COL19A1: variants seen among roughly 807,000 people sequenced by gnomAD.
COL19A1 encodes the protein collagen alpha-1(XIX) chain.
Under a neutral mutation model 190.2 loss-of-function variants are expected in COL19A1, and 159 were observed. That is an observed-to-expected ratio of 0.84 (90% confidence interval 0.73 to 0.95). The LOEUF is 0.95. Ranked by LOEUF, COL19A1 falls within the 40% of genes least tolerant of loss-of-function variation. The probability of loss-of-function intolerance (pLI) is 0.00; values close to 1 mark genes in which losing one functional copy is unlikely to be tolerated. For missense variants in COL19A1, 1,418 were observed against 1,431.9 expected, an observed-to-expected ratio of 0.99 and a Z score of 0.16; for synonymous variants, 509 against 458.9, an observed-to-expected ratio of 1.11 and a Z score of -1.39.
intron 15 of COL19A1, among the ~76,000 whole-genome samples, chr6:70,070,004 G>A (rs1032251492): frequency 2.6e-5 from 4 of 152,098 alleles, no homozygotes; most frequent in Admixed American, 2.6e-4. Flanking sequence ...ACAACCCTGT[G>A]TAACACCAGC....
Position 70,207,173 on chromosome 6 carries a change from GCCCCAGGCCCACAGGGCC to G in COL19A1, c.3336_3353del (p.Gln1114_Pro1119del). 2 of 1,613,540 alleles carry G rather than the reference GCCCCAGGCCCACAGGGCC, an allele frequency of 1.2e-6. No individual in the cohort carries two copies. Among genetic ancestry groups the G allele is most frequent in the Non-Finnish European group, 1.7e-6 (2 of 1,179,838 alleles). On this transcript the variant is annotated inframe_deletion, in exon 51 of 51. Transcript: ENST00000620364. ...TCTGGGTTTGCCAGGCTCACCAGGT[GCCCCAGGCCCACAGGGCC>G]CCCCAGGACCCAGTGGAAGATGTAA...
chr6:70,078,407 G>T (rs963653237), intron 15 of COL19A1, among the ~76,000 whole-genome samples: 3 of 152,182 alleles, frequency 2.0e-5, no homozygotes, highest in Non-Finnish European at 4.4e-5. Context: ...AAGAATGCAG[G>T]CAAAATGTGG....
At position 70,125,256 on chromosome 6, in the gene COL19A1, G is replaced by A. The variant is rs572936167; in HGVS notation, c.1341+3314G>A. 2.6e-4 allele frequency among the ~76,000 whole-genome samples: 40 copies of A among 152,242 alleles called. No individual in the cohort carries two copies. The South Asian group carries it at 7.7e-3, about 29-fold the overall frequency. The stretch of plus-strand genomic sequence containing the variant: ...TTAAAATAATCTTCCCTTTTAAATT[G>A]GCATTGATTTATGTGATGTCTGCAC... On this transcript the variant is annotated intron_variant, in intron 17 of 50. Transcript: ENST00000620364.
chr6:69,993,662 A>G (rs1776744892), intron 11 of COL19A1, among the ~76,000 whole-genome samples: 4 of 151,942 alleles, frequency 2.6e-5, no homozygotes, highest in South Asian at 2.1e-4. Context: ...CAGGGTTTCA[A>G]TTTCTTTCTG....
At chr6:70,062,046 T>C (rs1470431307) in intron 14 of COL19A1, among the ~76,000 whole-genome samples, 2 of 150,050 alleles carry the variant, frequency 1.3e-5, no homozygotes, top group African/African-American at 5.1e-5. Flanking sequence ...TTAGTTTTTT[T>C]CCCTTTTTTT....
intron 4 of COL19A1, among the ~76,000 whole-genome samples, chr6:69,908,700 G>T (rs1171597597): frequency 1.3e-5 from 2 of 152,030 alleles, no homozygotes; most frequent in African/African-American, 2.4e-5. Context: ...AACATTTGAT[G>T]TTATCATTAT....
chr6:70,059,720 T>C, intron 14 of COL19A1: 1 of 468,868 alleles, frequency 2.1e-6, no homozygotes, highest in Non-Finnish European at 4.3e-6. Flanking sequence ...AAACGGAAAA[T>C]GAATACCTAT....
intron 16 of COL19A1, among the ~76,000 whole-genome samples, chr6:70,113,842 CTTTTTTTTTTTTT>C (rs34876942): frequency 4.7e-5 from 3 of 64,136 alleles, no homozygotes; most frequent in Non-Finnish European, 7.9e-5. Context: ...CCAAGTCTTT[CTTTTTTTTTTTTT>C]TTTTTTTTTT....
At chr6:69,961,844 A>G (rs1774818662) in intron 10 of COL19A1, among the ~76,000 whole-genome samples, 2 of 152,170 alleles carry the variant, frequency 1.3e-5, no homozygotes, top group Admixed American at 6.5e-5. Context: ...CTAAATATGT[A>G]TGTATACATG....
chr6:69,899,366 T>C (rs1770007338), intron 3 of COL19A1, among the ~76,000 whole-genome samples: 1 of 152,094 alleles, frequency 6.6e-6, no homozygotes, highest in Non-Finnish European at 1.5e-5. Context: ...TTAGCCAGGC[T>C]GGTCTCGAGC....
chr6:69,899,250 C>T (rs1048127646), intron 3 of COL19A1, among the ~76,000 whole-genome samples: 1 of 151,530 alleles, frequency 6.6e-6, no homozygotes, highest in African/African-American at 2.4e-5. Flanking sequence ...CTGCAACCTC[C>T]ACCTCCTGGG....
chr6:69,935,260 A>G (rs1395256862), intron 7 of COL19A1, among the ~76,000 whole-genome samples: 3 of 152,090 alleles, frequency 2.0e-5, no homozygotes, highest in Non-Finnish European at 4.4e-5. Context: ...TACGAGGAGA[A>G]GAGTCCTTAC....
Position 70,144,942 on chromosome 6 carries a change from C to A in COL19A1, c.1705C>A (p.Pro569Thr), listed in dbSNP as rs766592978. The change falls in exon 25 of 51, where the codon CCT becomes ACT. Residue 569 changes from proline (P) to threonine (T), a missense_variant. Coordinates refer to ENST00000620364, the MANE Select transcript of COL19A1 (RefSeq NM_001858.6). The stretch of plus-strand genomic sequence containing the variant: ...GGGAGATCCGGGTGGGATCATAGGC[C>A]CTCCCGGGCTTCCAGGTCCAAAAGG... Reference protein sequence around the residue: ...EKGDPGGIIGPPGLPGPKGEA... With the variant: ...EKGDPGGIIGTPGLPGPKGEA... The A allele has an allele frequency of 1.3e-6, 2 of 1,586,436 alleles. No individual in the cohort carries two copies. Among genetic ancestry groups the A allele is most frequent in the Non-Finnish European group, 1.7e-6 (2 of 1,164,554 alleles).
intron 40 of COL19A1, among the ~76,000 whole-genome samples, chr6:70,170,843 C>T (rs944663161): frequency 2.0e-5 from 3 of 152,010 alleles, no homozygotes; most frequent in African/African-American, 7.3e-5. Context: ...AAGTTATATC[C>T]CTGGTAATAT....
chr6:70,084,510 A>G (rs1782466810), intron 15 of COL19A1, among the ~76,000 whole-genome samples: 1 of 152,252 alleles, frequency 6.6e-6, no homozygotes, highest in South Asian at 2.1e-4. Flanking sequence ...AAATGGTTTA[A>G]CCAATGTAGA....
At chr6:70,146,544 G>T (rs2150240948) in intron 25 of COL19A1, 115 bp from the exon 26 acceptor site, 1 of 667,528 alleles carries the variant, frequency 1.5e-6, no homozygotes, top group Non-Finnish European at 2.3e-6. Flanking sequence ...TTCTTTTATA[G>T]AAAAAGATTT....
intron 48 of COL19A1, among the ~76,000 whole-genome samples, chr6:70,195,326 T>A (rs538461842): frequency 6.6e-6 from 1 of 152,178 alleles, no homozygotes; most frequent in East Asian, 1.9e-4. Flanking sequence ...TAAAAACCGA[T>A]TGAAAGTTGT....
chr6:70,025,959 C>T (rs1778711508), intron 12 of COL19A1, among the ~76,000 whole-genome samples: 1 of 152,114 alleles, frequency 6.6e-6, no homozygotes, highest in Admixed American at 6.5e-5. Context: ...AGGATACTAA[C>T]TTGTGAGAAA....
At chr6:70,198,796 G>C (rs893257304) in intron 48 of COL19A1, among the ~76,000 whole-genome samples, 1 of 152,122 alleles carries the variant, frequency 6.6e-6, no homozygotes, top group African/African-American at 2.4e-5. Context: ...TTATGGGTCA[G>C]GGACTTGAAG....
Sources: allele counts gnomAD v4.1 joint callset (sites outside exome capture counted in the v4.1 genomes callset), GRCh38; gene constraint gnomAD v4.1.1; transcripts MANE v1.5; gene names NCBI Gene and HGNC (gene_info 2026-07-23, HGNC 2026-07-21).